Variants in ROBO1 observed in about 807,000 individuals in gnomAD.
The protein encoded by ROBO1 is roundabout homolog 1.
Under a neutral mutation model 195.9 loss-of-function variants are expected in ROBO1, and 149 were observed. That is an observed-to-expected ratio of 0.76 (90% CI 0.67 to 0.87). The LOEUF (loss-of-function observed/expected upper bound fraction) is 0.87, where lower values mean the gene tolerates loss of function less well. Among genes scored for constraint, ROBO1 ranks in the 40% least tolerant of loss-of-function variants. The probability of loss-of-function intolerance (pLI) is 0.00; values close to 1 mark genes in which losing one functional copy is unlikely to be tolerated. For synonymous variants in ROBO1, 816 were observed against 733.2 expected (o/e 1.11, Z -1.82); for missense variants, 1,933 against 2,068.3 (o/e 0.93, Z 1.27).
At chr3:78,974,691 G>A (rs2076847572) in intron 3 of ROBO1, among the ~76,000 whole-genome samples, 2 of 152,214 alleles carry the variant, frequency 1.3e-5, no homozygotes. Context: ...GGTTTAACAG[G>A]TGAAGAGATC....
At position 79,306,446 on chromosome 3, in the gene ROBO1, A is replaced by C. The variant is rs535226596; in HGVS notation, c.89-180907T>G. On this transcript the variant is annotated intron_variant, in intron 2 of 30. Coordinates refer to ENST00000464233, the MANE Select transcript of ROBO1 (RefSeq NM_002941.4). ...TACTGTTCAACTGAAACAAAATTAA[A>C]ATTGGGCGCTCTCTCTATCTTTATT... 2.0e-5 allele frequency among the ~76,000 whole-genome samples: 3 copies of C among 152,332 alleles called. No individual in the cohort carries two copies. The East Asian group carries it at 5.8e-4, about 29-fold the overall frequency.
At chr3:79,550,202 A>AAAGGAAAGG (rs61662697) in intron 2 of ROBO1, among the ~76,000 whole-genome samples, 1 of 103,094 alleles carries the variant, frequency 9.7e-6, no homozygotes, top group Non-Finnish European at 2.0e-5. Context: ...AAAGGAAAAG[A>AAAGGAAAGG]AAAGAAAAGA....
intron 1 of ROBO1, among the ~76,000 whole-genome samples, chr3:79,667,721 G>T (rs6796225): frequency 0.28 from 41,723 of 151,526 alleles, 6,483 homozygotes; most frequent in African/African-American, 0.43. Flanking sequence ...TCTTGATCAA[G>T]CAATCACTGT....
intron 1 of ROBO1, among the ~76,000 whole-genome samples, chr3:79,731,970 GTTA>G (rs1416791191): frequency 6.6e-6 from 1 of 152,020 alleles, no homozygotes; most frequent in African/African-American, 2.4e-5. Context: ...TGAGAATTGA[GTTA>G]TTATGTGATT....
At chr3:79,434,485 A>G (rs1575820891) in intron 2 of ROBO1, among the ~76,000 whole-genome samples, 1 of 152,320 alleles carries the variant, frequency 6.6e-6, no homozygotes, top group East Asian at 1.9e-4. Flanking sequence ...ATCACTGGCC[A>G]TCAGAGAAAT....
At chr3:79,558,547 C>T (rs1942795509) in intron 2 of ROBO1, among the ~76,000 whole-genome samples, 1 of 152,134 alleles carries the variant, frequency 6.6e-6, no homozygotes, top group African/African-American at 2.4e-5. Context: ...AGATTTTTTA[C>T]TATGTAGGAG....
In ROBO1 at chr3:79,231,506, G is replaced by A. The variant is rs538810114; in HGVS notation, c.89-105967C>T. ...CAGAGAAATGCAAATCAAAACCACC[G>A]TGAGATACAATCTCACACCCGTCAG... On this transcript the variant is annotated intron_variant, in intron 2 of 30. Coordinates refer to ENST00000464233, the MANE Select transcript of ROBO1 (RefSeq NM_002941.4). Among the ~76,000 whole-genome samples the A allele has an allele frequency of 5.1e-3, 778 of 151,760 alleles. 7 individuals are homozygous for A. Among genetic ancestry groups the A allele is most frequent in the South Asian group, 0.03 (145 of 4,786 alleles).
intron 1 of ROBO1, among the ~76,000 whole-genome samples, chr3:79,732,109 T>A (rs1020371268): frequency 2.0e-5 from 3 of 151,978 alleles, no homozygotes; most frequent in Admixed American, 6.6e-5. Context: ...ATCCAGTATG[T>A]TACTATATTA....
chr3:79,329,347 T>C (rs1201940009), intron 2 of ROBO1, among the ~76,000 whole-genome samples: 2 of 152,182 alleles, frequency 1.3e-5, no homozygotes, highest in African/African-American at 4.8e-5. Context: ...TGTGGACTCA[T>C]CAATGCTGTC....
At chr3:79,403,450 G>A (rs1377073975) in intron 2 of ROBO1, among the ~76,000 whole-genome samples, 1 of 151,928 alleles carries the variant, frequency 6.6e-6, no homozygotes, top group Non-Finnish European at 1.5e-5. Flanking sequence ...TCATTATGCT[G>A]TCCAAAACTA....
At chr3:79,394,523 C>G (rs1255848752) in intron 2 of ROBO1, among the ~76,000 whole-genome samples, 1 of 151,750 alleles carries the variant, frequency 6.6e-6, no homozygotes, top group East Asian at 1.9e-4. Flanking sequence ...AACATATATA[C>G]AGATATAGAT....
chr3:78,979,308 A>T (rs2076943359), intron 3 of ROBO1, among the ~76,000 whole-genome samples: 1 of 152,154 alleles, frequency 6.6e-6, no homozygotes. Context: ...ATGAGGAAAA[A>T]ATCCGGGCTT....
At chr3:79,237,782 T>A (rs781375979) in intron 2 of ROBO1, among the ~76,000 whole-genome samples, 9 of 152,000 alleles carry the variant, frequency 5.9e-5, no homozygotes, top group East Asian at 1.9e-4. Flanking sequence ...TAAAAAAAAA[T>A]TTACTGAGAA....
At chr3:79,246,269 C>A (rs2108895111) in intron 2 of ROBO1, among the ~76,000 whole-genome samples, 1 of 152,002 alleles carries the variant, frequency 6.6e-6, no homozygotes, top group African/African-American at 2.4e-5. Context: ...TCATGACAAC[C>A]CCAGGAGGTA....
At chr3:78,945,264 C>T (rs1313050931) in intron 3 of ROBO1, among the ~76,000 whole-genome samples, 2 of 152,070 alleles carry the variant, frequency 1.3e-5, no homozygotes, top group South Asian at 2.1e-4. Context: ...CTGGGAGGCA[C>T]CCCCCAGTAG....
intron 25 of ROBO1, among the ~76,000 whole-genome samples, chr3:78,629,815 C>T (rs1011130454): frequency 6.6e-6 from 1 of 152,254 alleles, no homozygotes; most frequent in African/African-American, 2.4e-5. Flanking sequence ...CACAGACTCA[C>T]AAAGAGGCCA....
In ROBO1 at chr3:78,807,096, C is replaced by T. The variant is rs573666044; in HGVS notation, c.500-60196G>A. Among the ~76,000 whole-genome samples the T allele has an allele frequency of 3.3e-5, 5 of 152,224 alleles. No individual in the cohort carries two copies. The South Asian group carries it at 1.0e-3, about 32-fold the overall frequency. On this transcript the variant is annotated intron_variant, in intron 4 of 30. Coordinates refer to ENST00000464233, the MANE Select transcript of ROBO1 (RefSeq NM_002941.4). ...GTGCTGGTATTACAGGAGTGAGCCA[C>T]CGTGCCCGGCCTAAAAATCATTTTT...
chr3:79,575,173 A>AAATATATATAACATATATAT (rs1406182852), intron 2 of ROBO1, among the ~76,000 whole-genome samples: 2 of 122,362 alleles, frequency 1.6e-5, no homozygotes, highest in African/African-American at 2.9e-5. Context: ...AAATATATAT[A>AAATATATATAACATATATAT]AATATATATA....
chr3:79,729,198 C>G (rs1227372240), intron 1 of ROBO1, among the ~76,000 whole-genome samples: 2 of 152,022 alleles, frequency 1.3e-5, no homozygotes, highest in African/African-American at 4.8e-5. Context: ...GAAATTTTAG[C>G]CTTTTGCTTT....
Sources: gnomAD v4.1 joint callset for allele counts (sites outside exome capture counted in the v4.1 genomes callset) on GRCh38, gnomAD v4.1.1 for gene constraint, MANE v1.5 for transcripts, NCBI Gene and HGNC (gene_info 2026-07-23, HGNC 2026-07-21) for gene names.